Variants in TOX observed in about 807,000 individuals in gnomAD.
TOX encodes thymocyte selection-associated high mobility group box protein TOX.
A neutral mutation model predicts 53.7 loss-of-function variants in TOX; 11 were observed. The ratio of observed to expected loss-of-function variants is 0.20; its 90% CI spans 0.13 to 0.34. TOX has a LOEUF of 0.34. Ranked by LOEUF, TOX falls within the 10% of genes least tolerant of loss-of-function variation. TOX has a pLI of 1.00. For missense variants in TOX, 570 were observed against 664.6 expected (o/e 0.86, Z 1.56); for synonymous variants, 225 against 245.3 (o/e 0.92, Z 0.77).
At chr8:58,873,074 T>C (rs1267137186) in intron 3 of TOX, among the ~76,000 whole-genome samples, 1 of 152,148 alleles carries the variant, frequency 6.6e-6, no homozygotes, top group Non-Finnish European at 1.5e-5. Context: ...TCAAGCTGTA[T>C]GCTAACCAAG....
intron 3 of TOX, among the ~76,000 whole-genome samples, chr8:58,921,461 C>T (rs1405382181): frequency 6.6e-6 from 1 of 152,242 alleles, no homozygotes; most frequent in East Asian, 1.9e-4. Context: ...TGTTATACTC[C>T]ACCAGAAATA....
chr8:58,858,072 T>G (rs544943295), intron 3 of TOX, among the ~76,000 whole-genome samples: 9 of 152,184 alleles, frequency 5.9e-5, no homozygotes, highest in Non-Finnish European at 1.3e-4. Context: ...GACTGGCTCC[T>G]TGGATTTTCT....
At chr8:59,101,348 A>T (rs1448544189) in intron 1 of TOX, among the ~76,000 whole-genome samples, 1 of 152,216 alleles carries the variant, frequency 6.6e-6, no homozygotes, top group Non-Finnish European at 1.5e-5. Context: ...TAATGAATAA[A>T]TTAACCAATA....
intron 3 of TOX, among the ~76,000 whole-genome samples, chr8:58,887,605 T>C (rs569617561): frequency 6.6e-5 from 10 of 152,158 alleles, no homozygotes; most frequent in Admixed American, 6.6e-4. Flanking sequence ...TTATTTTATA[T>C]AGTCTGTGCT....
At chr8:59,100,015 T>C (rs1237652310) in intron 1 of TOX, among the ~76,000 whole-genome samples, 2 of 152,146 alleles carry the variant, frequency 1.3e-5, no homozygotes, top group African/African-American at 2.4e-5. Flanking sequence ...TTTAAAGACA[T>C]GGAGTAGAAT....
chr8:58,957,382 G>A (rs1812727823), intron 2 of TOX, among the ~76,000 whole-genome samples: 1 of 152,120 alleles, frequency 6.6e-6, no homozygotes, highest in South Asian at 2.1e-4. Context: ...TTATTATAAG[G>A]TGGTATATTC....
chr8:58,856,226 C>T (rs1459149750), intron 3 of TOX, among the ~76,000 whole-genome samples: 2 of 152,126 alleles, frequency 1.3e-5, no homozygotes, highest in Non-Finnish European at 2.9e-5. Context: ...CTCCAAGAAC[C>T]TTCTTATTCT....
intron 1 of TOX, among the ~76,000 whole-genome samples, chr8:59,002,308 T>C (rs1314393780): frequency 2.1e-5 from 3 of 143,688 alleles, no homozygotes; most frequent in African/African-American, 7.6e-5. Flanking sequence ...AATGCAGACA[T>C]AGGGCCGGGC....
intron 1 of TOX, among the ~76,000 whole-genome samples, chr8:59,041,816 A>G (rs912425233): frequency 2.0e-5 from 3 of 152,212 alleles, no homozygotes; most frequent in African/African-American, 7.2e-5. Flanking sequence ...GTCTACCACC[A>G]TCATGTTGTA....
At chr8:59,010,395 A>G (rs1350320021) in intron 1 of TOX, among the ~76,000 whole-genome samples, 1 of 152,240 alleles carries the variant, frequency 6.6e-6, no homozygotes, top group Non-Finnish European at 1.5e-5. Context: ...TGAAGTATTT[A>G]TGTGTGAGTG....
rs1394198023 is a variant in TOX, at chr8:58,807,656, T to C, written c.*91A>G. ...GTGCTTAGCAACTTGTATTTTCTAA[T>C]AAAATGGAGAACTGCCTTGACTGTA... On this transcript the variant is annotated 3_prime_UTR_variant, in exon 9 of 9. Transcript: ENST00000361421. 8 of 1,484,340 alleles carry C rather than the reference T, an allele frequency of 5.4e-6. No individual in the cohort carries two copies. The highest frequency in any genetic ancestry group is 6.5e-6 in the Non-Finnish European group (7 of 1,071,190). 91.9% of individuals were successfully genotyped at this position (1,484,340 alleles called of 1,614,324 possible). A position where few individuals can be genotyped will look rare whatever the true frequency, so the allele number is the denominator to read the frequency against.
At chr8:59,085,350 G>A (rs1429068279) in intron 1 of TOX, among the ~76,000 whole-genome samples, 1 of 151,864 alleles carries the variant, frequency 6.6e-6, no homozygotes, top group African/African-American at 2.4e-5. Context: ...ATTATATGAT[G>A]CCAAACCACC....
intron 3 of TOX, among the ~76,000 whole-genome samples, chr8:58,926,979 A>T (rs903833601): frequency 1.3e-5 from 2 of 152,192 alleles, no homozygotes; most frequent in Non-Finnish European, 2.9e-5. Context: ...AGGTACTAAA[A>T]ATGCTAATCC....
At chr8:59,062,950 G>C (rs562602345) in intron 1 of TOX, among the ~76,000 whole-genome samples, 99 of 152,182 alleles carry the variant, frequency 6.5e-4, no homozygotes, top group African/African-American at 2.3e-3. Flanking sequence ...TTAACAAGGA[G>C]GTAAAACTGT....
chr8:58,858,350 C>G (rs1252997924), intron 3 of TOX, among the ~76,000 whole-genome samples: 1 of 152,206 alleles, frequency 6.6e-6, no homozygotes, highest in African/African-American at 2.4e-5. Context: ...CCTTCCCCGT[C>G]CAACACACCA....
chr8:58,860,371 C>T (rs1810989301), intron 3 of TOX, among the ~76,000 whole-genome samples: 1 of 152,072 alleles, frequency 6.6e-6, no homozygotes, highest in African/African-American at 2.4e-5. Flanking sequence ...CAGCTCACTT[C>T]CTAGTGGAAG....
At chr8:58,961,697 T>G (rs1047879953) in intron 1 of TOX, among the ~76,000 whole-genome samples, 11 of 152,080 alleles carry the variant, frequency 7.2e-5, no homozygotes, top group Non-Finnish European at 1.5e-4. Context: ...CCAGCTAATT[T>G]TTGTATTTTT....
intron 1 of TOX, among the ~76,000 whole-genome samples, chr8:58,962,119 T>C (rs1365193713): frequency 6.6e-6 from 1 of 152,240 alleles, no homozygotes; most frequent in Admixed American, 6.5e-5. Context: ...TTTCTAAATC[T>C]GGTGTTGTTC....
intron 3 of TOX, among the ~76,000 whole-genome samples, chr8:58,892,915 A>G (rs1037093252): frequency 2.6e-5 from 4 of 152,234 alleles, no homozygotes. Flanking sequence ...AAAATAACAA[A>G]GATGCAGGCA....
Sources: gnomAD v4.1 joint callset for allele counts (sites outside exome capture counted in the v4.1 genomes callset) on GRCh38, gnomAD v4.1.1 for gene constraint, MANE v1.5 for transcripts, NCBI Gene and HGNC (gene_info 2026-07-23, HGNC 2026-07-21) for gene names.